The following ADORA2B variants were observed in gnomAD, a reference collection of about 807,000 sequenced individuals.
ADORA2B encodes adenosine A2b receptor.
In ADORA2B, 18 loss-of-function variants were observed where a neutral mutation model predicts 20.8. The observed-to-expected ratio is 0.87, with a 90% CI of 0.60 to 1.29. ADORA2B has a LOEUF of 1.29. Among genes scored for constraint, ADORA2B ranks in the 50% most tolerant of loss-of-function variants. The pLI is 0.00. For missense variants in ADORA2B, 441 were observed against 422.7 expected (o/e 1.04, Z -0.38); for synonymous variants, 179 against 178.3 (o/e 1.00, Z -0.03).
At chr17:15,862,922 A>T in the ADORA2B span, among the ~76,000 whole-genome samples, 1 of 151,550 alleles carries the variant, frequency 6.6e-6, no homozygotes, top group African/African-American at 2.4e-5. Flanking sequence ...ACATATTATC[A>T]TTACTAATAA....
At chr17:15,891,079 C>T in the ADORA2B span, among the ~76,000 whole-genome samples, 1 of 152,168 alleles carries the variant, frequency 6.6e-6, no homozygotes, top group Non-Finnish European at 1.5e-5. Flanking sequence ...CCAGCCTGGC[C>T]AACATGGTGA....
chr17:15,889,616 G>A, the ADORA2B span, among the ~76,000 whole-genome samples: 2 of 130,214 alleles, frequency 1.5e-5, no homozygotes, highest in East Asian at 2.0e-4. Context: ...AGCCTAGGCC[G>A]GACGTAGTGG....
chr17:15,888,886 A>T, the ADORA2B span, among the ~76,000 whole-genome samples: 1 of 50,664 alleles, frequency 2.0e-5, no homozygotes, highest in African/African-American at 1.1e-4. Flanking sequence ...TTTTCGAGAC[A>T]GAGTCTCACT....
chr17:15,964,825 GC>G (rs1292364246), intron 1 of ADORA2B, among the ~76,000 whole-genome samples: 4 of 151,750 alleles, frequency 2.6e-5, no homozygotes, highest in Admixed American at 6.5e-5. Context: ...ACTTTGGGAG[GC>G]CAAGGTGGGC....
the ADORA2B span, among the ~76,000 whole-genome samples, chr17:15,884,670 G>A: frequency 6.6e-6 from 1 of 152,126 alleles, no homozygotes; most frequent in African/African-American, 2.4e-5. Context: ...AAAATGCAGT[G>A]TTTGGTTTTC....
At chr17:15,856,111 T>G in the ADORA2B span, among the ~76,000 whole-genome samples, 1 of 151,974 alleles carries the variant, frequency 6.6e-6, no homozygotes, top group Non-Finnish European at 1.5e-5. Context: ...AGGGACTTGG[T>G]GGGATGTGAT....
the ADORA2B span, among the ~76,000 whole-genome samples, chr17:15,855,578 C>CT: frequency 6.7e-6 from 1 of 150,266 alleles, no homozygotes; most frequent in African/African-American, 2.5e-5. Flanking sequence ...TTCTGAAATG[C>CT]TTTTTTTTAA....
In ADORA2B at chr17:15,945,285, C is replaced by T. The variant is rs1342147299; in HGVS notation, c.37C>T (p.Leu13=). ...LETQDALYVA[L]ELVIAALSVA... The stretch of plus-strand genomic sequence containing the variant: ...GACACAGGACGCGCTGTACGTGGCG[C>T]TGGAGCTGGTCATCGCCGCGCTTTC... Residue 13 remains leucine (L), a synonymous_variant, in exon 1 of 2, where the codon CTG becomes TTG. Transcript: ENST00000304222. 3.9e-6 allele frequency: 6 copies of T among 1,536,270 alleles called. No individual in the cohort carries two copies. The African/African-American group carries it at 8.2e-5, about 21-fold the overall frequency.
chr17:15,857,021 A>G, the ADORA2B span, among the ~76,000 whole-genome samples: 17 of 152,208 alleles, frequency 1.1e-4, no homozygotes, highest in Non-Finnish European at 2.4e-4. Context: ...CCAGTGACCT[A>G]GGAGTTAAAA....
chr17:15,862,211 CTTTTTTTTTTTT>C, the ADORA2B span, among the ~76,000 whole-genome samples: 3 of 96,292 alleles, frequency 3.1e-5, no homozygotes, highest in African/African-American at 1.7e-4. Flanking sequence ...CTTTTCTTTT[CTTTTTTTTTTTT>C]TTTTTTTTTT....
the ADORA2B span, among the ~76,000 whole-genome samples, chr17:15,879,821 G>C: frequency 1.3e-5 from 2 of 149,158 alleles, no homozygotes; most frequent in Admixed American, 1.3e-4. Context: ...ACAGGCATCA[G>C]CCACCGCACC....
rs968961070 is a variant in ADORA2B at position 15,965,054 on chromosome 17, T to C, written c.336-9625T>C. Among the ~76,000 whole-genome samples the C allele has an allele frequency of 2.1e-5, 3 of 144,496 alleles. No individual in the cohort carries two copies. The East Asian group carries it at 5.9e-4, about 28-fold the overall frequency. The allele number at this position is 144,496 out of a possible 152,430, so 94.8% of individuals were successfully genotyped here. On this transcript the variant is annotated intron_variant, in intron 1 of 1. Coordinates refer to ENST00000304222, the MANE Select transcript of ADORA2B (RefSeq NM_000676.4). Reference sequence around the variant, plus strand: ...CAGCCTGGGCGACGGAGCTAGACTCTGTCTCAAAAACAAACAAACAAAATT... The same window carrying C: ...CAGCCTGGGCGACGGAGCTAGACTCCGTCTCAAAAACAAACAAACAAAATT...
chr17:15,948,748 C>G (rs1969852134), intron 1 of ADORA2B, among the ~76,000 whole-genome samples: 1 of 149,430 alleles, frequency 6.7e-6, no homozygotes, highest in African/African-American at 2.6e-5. Context: ...TCTGACCTGT[C>G]CCTGGACCCT....
the ADORA2B span, among the ~76,000 whole-genome samples, chr17:15,903,285 T>C: frequency 6.6e-6 from 1 of 152,226 alleles, no homozygotes; most frequent in Non-Finnish European, 1.5e-5. Flanking sequence ...AATCATTGGA[T>C]GGGCAAATGA....
At chr17:15,871,408 G>A in the ADORA2B span, among the ~76,000 whole-genome samples, 1 of 152,190 alleles carries the variant, frequency 6.6e-6, no homozygotes, top group East Asian at 1.9e-4. Context: ...TGGCAGGCAT[G>A]TTTTTGCCTC....
chr17:15,914,909 T>G, the ADORA2B span, among the ~76,000 whole-genome samples: 17 of 152,344 alleles, frequency 1.1e-4, no homozygotes, highest in East Asian at 3.9e-4. Context: ...TCAGGTCTTT[T>G]GGGGCAACCC....
the ADORA2B span, among the ~76,000 whole-genome samples, chr17:15,892,646 C>T: frequency 6.8e-6 from 1 of 146,142 alleles, no homozygotes. Context: ...TTCTTTTTTT[C>T]TTTCTTTCTT....
At chr17:15,859,357 TG>T in the ADORA2B span, among the ~76,000 whole-genome samples, 1 of 151,438 alleles carries the variant, frequency 6.6e-6, no homozygotes, top group East Asian at 1.9e-4. Flanking sequence ...CAGGGATTAA[TG>T]GGCTGTTTTT....
the ADORA2B span, among the ~76,000 whole-genome samples, chr17:15,917,574 A>T: frequency 6.6e-6 from 1 of 152,128 alleles, no homozygotes; most frequent in Admixed American, 6.5e-5. Context: ...CAGGCACTGG[A>T]GGGCTCCCCT....
Sources: gnomAD v4.1 joint callset for allele counts (sites outside exome capture counted in the v4.1 genomes callset) on GRCh38, gnomAD v4.1.1 for gene constraint, MANE v1.5 for transcripts, NCBI Gene and HGNC (gene_info 2026-07-23, HGNC 2026-07-21) for gene names.